Variants in PIEZO2 observed in about 807,000 individuals in gnomAD.
PIEZO2 encodes the protein piezo type mechanosensitive ion channel component 2, also known as piezo-type mechanosensitive ion channel component 2.
Under a neutral mutation model 337.3 loss-of-function variants are expected in PIEZO2, and 172 were observed. The ratio of observed to expected loss-of-function variants is 0.51; its 90% CI spans 0.45 to 0.58. The LOEUF (loss-of-function observed/expected upper bound fraction) is 0.58, where lower values mean the gene tolerates loss of function less well. PIEZO2 is among the 20% of genes least tolerant of loss of function. PIEZO2 has a pLI of 0.00. For missense variants in PIEZO2, 3,028 were observed against 3,391.3 expected, an observed-to-expected ratio of 0.89 and a Z score of 2.66; for synonymous variants, 1,251 against 1,228.5, an observed-to-expected ratio of 1.02 and a Z score of -0.38.
intron 2 of PIEZO2, among the ~76,000 whole-genome samples, chr18:11,026,114 C>T (rs567306574): frequency 7.0e-4 from 107 of 152,302 alleles, no homozygotes; most frequent in Non-Finnish European, 1.3e-3. Context: ...GCAGGCTGAA[C>T]GGCGCCTTTA....
rs113904966 is a variant in PIEZO2 at position 11,016,304 on chromosome 18, C to A, written c.161-36644G>T. ...TGTGGGCAGAATCACAGGAGAGACA[C>A]AGAATGTGGCGGTAGAGACGGTCAG... On this transcript the variant is annotated intron_variant, in intron 2 of 55. Coordinates refer to ENST00000674853, the MANE Select transcript of PIEZO2 (RefSeq NM_001378183.1). The surrounding 1 kb of genome is among the most constrained non-coding windows in gnomAD (Gnocchi z 5.6). 3.3e-5 allele frequency among the ~76,000 whole-genome samples: 5 copies of A among 152,124 alleles called. No homozygotes were observed. Among genetic ancestry groups the A allele is most frequent in the African/African-American group, 1.2e-4 (5 of 41,414 alleles).
intron 30 of PIEZO2, 129 bp from the exon 31 acceptor site, chr18:10,744,360 T>C (rs2037342450): frequency 4.7e-6 from 3 of 640,548 alleles, no homozygotes; most frequent in Non-Finnish European, 8.1e-6. Flanking sequence ...GTTTCCTGGC[T>C]GGGAGCAGGA....
chr18:10,987,650 G>A (rs1296434910), intron 2 of PIEZO2, among the ~76,000 whole-genome samples: 3 of 151,982 alleles, frequency 2.0e-5, no homozygotes, highest in South Asian at 4.1e-4. Flanking sequence ...ATGACTTTTT[G>A]GTTATAACAC....
chr18:10,952,140 T>C lies in PIEZO2; in HGVS notation c.286+27395A>G, dbSNP rs1342558421. Among the ~76,000 whole-genome samples, 1 of 152,184 alleles carries C rather than the reference T, an allele frequency of 6.6e-6. No homozygotes were observed. The highest frequency in any genetic ancestry group is 1.5e-5 in the Non-Finnish European group (1 of 68,016). ...CTGCTCTGATCTCTCTACTCTTCAGTAGAGCCCCCAAAACAAACAGTGAAA... is the reference window on the plus strand; with the variant it reads ...CTGCTCTGATCTCTCTACTCTTCAGCAGAGCCCCCAAAACAAACAGTGAAA... On this transcript the variant is annotated intron_variant, in intron 3 of 55. Coordinates refer to ENST00000674853, the MANE Select transcript of PIEZO2 (RefSeq NM_001378183.1). The surrounding 1 kb of genome is among the most constrained non-coding windows in gnomAD (Gnocchi z 4.1).
At chr18:10,687,897 C>A (rs576099470) in intron 49 of PIEZO2, among the ~76,000 whole-genome samples, 252 of 152,320 alleles carry the variant, frequency 1.7e-3, no homozygotes, top group African/African-American at 5.7e-3. Context: ...AGGACTGACT[C>A]CAGGCAAGAC....
intron 2 of PIEZO2, among the ~76,000 whole-genome samples, chr18:11,022,768 C>G (rs2036360435): frequency 6.6e-6 from 1 of 152,186 alleles, no homozygotes; most frequent in South Asian, 2.1e-4. Flanking sequence ...GAACTCTAGG[C>G]TATTTTGTCC....
chr18:10,718,635 T>C (rs979306340), intron 36 of PIEZO2, among the ~76,000 whole-genome samples: 2 of 152,236 alleles, frequency 1.3e-5, no homozygotes, highest in African/African-American at 4.8e-5. Context: ...CCCATTTGTC[T>C]GTATATTATC....
intron 52 of PIEZO2, 59 bp downstream of exon 52, chr18:10,680,140 C>G: frequency 6.9e-7 from 1 of 1,447,032 alleles, no homozygotes; most frequent in Non-Finnish European, 9.4e-7. Context: ...CCTCCCTCCC[C>G]CAACTCCATG....
chr18:11,010,071 G>A (rs1186568558), intron 2 of PIEZO2, among the ~76,000 whole-genome samples: 2 of 152,182 alleles, frequency 1.3e-5, no homozygotes, highest in Non-Finnish European at 2.9e-5. Context: ...AAGCAGAACT[G>A]TGAAGGAGCT....
At chr18:10,946,600 G>T (rs1040687960) in intron 3 of PIEZO2, among the ~76,000 whole-genome samples, 3 of 152,188 alleles carry the variant, frequency 2.0e-5, no homozygotes, top group Admixed American at 2.0e-4. Context: ...AGGAGGAGCT[G>T]AACTTCCACC....
Position 10,670,602 on chromosome 18 carries a change from A to G in PIEZO2, c.*925T>C, listed in dbSNP as rs671386. On this transcript the variant is annotated 3_prime_UTR_variant, in exon 56 of 56. Coordinates refer to ENST00000674853, the MANE Select transcript of PIEZO2 (RefSeq NM_001378183.1). ...CAGGAAGGAAAATGTCACATACTGG[A>G]AAAACCATTGCCTTAAATCATGGAA... is the stretch of plus-strand genomic sequence containing the variant. 102,177 of 152,102 alleles carry G rather than the reference A, an allele frequency of 0.67. 36,141 individuals carry two copies. Among genetic ancestry groups the G allele is most frequent in the Non-Finnish European group, 0.77 (52,341 of 67,990 alleles). 9.4% of individuals were successfully genotyped at this position (152,102 alleles called of 1,614,324 possible). A position where few individuals can be genotyped will look rare whatever the true frequency, so the allele number is the denominator to read the frequency against.
At chr18:10,800,016 T>G (rs1407234922) in intron 11 of PIEZO2, among the ~76,000 whole-genome samples, 1 of 151,482 alleles carries the variant, frequency 6.6e-6, no homozygotes, top group African/African-American at 2.4e-5. Context: ...GGAAAACCAC[T>G]GACCATAATT....
chr18:10,944,076 T>C (rs560401122), intron 3 of PIEZO2, among the ~76,000 whole-genome samples: 22 of 152,314 alleles, frequency 1.4e-4, no homozygotes, highest in African/African-American at 5.3e-4. Context: ...CAGGAATGTA[T>C]TTATCAGCAG....
intron 7 of PIEZO2, among the ~76,000 whole-genome samples, chr18:10,829,420 G>GT (rs1194054737): frequency 6.6e-6 from 1 of 152,118 alleles, no homozygotes; most frequent in African/African-American, 2.4e-5. Flanking sequence ...ATTCCCCACT[G>GT]TTATTCAAGA....
At chr18:10,950,899 C>G (rs2033261707) in intron 3 of PIEZO2, among the ~76,000 whole-genome samples, 1 of 152,196 alleles carries the variant, frequency 6.6e-6, no homozygotes, top group African/African-American at 2.4e-5. Flanking sequence ...TTTCTAAAAT[C>G]GCTCTGCAAT....
rs1179815621 is a variant in PIEZO2, at chr18:11,002,677, T to C, written c.161-23017A>G. 6.6e-6 allele frequency among the ~76,000 whole-genome samples: 1 copy of C among 152,194 alleles called. No homozygotes were observed. The highest frequency in any genetic ancestry group is 1.5e-5 in the Non-Finnish European group (1 of 68,030). On this transcript the variant is annotated intron_variant, in intron 2 of 55. Coordinates refer to ENST00000674853, the MANE Select transcript of PIEZO2 (RefSeq NM_001378183.1). This position sits in a 1 kb window ranked among gnomAD's most constrained non-coding sequence, Gnocchi z 4.3. ...ATGAGACAGTTGCTTTGTTGCAATG[T>C]TTTACTGGCGGCGGCGGGGAACACA...
At chr18:10,849,014 TC>T (rs1301547411) in intron 7 of PIEZO2, among the ~76,000 whole-genome samples, 12 of 152,024 alleles carry the variant, frequency 7.9e-5, no homozygotes, top group African/African-American at 2.7e-4. Context: ...ACCCAAGGAT[TC>T]CTTTTTTTTG....
chr18:10,976,325 G>A (rs1195723629), intron 3 of PIEZO2, among the ~76,000 whole-genome samples: 1 of 152,146 alleles, frequency 6.6e-6, no homozygotes, highest in Non-Finnish European at 1.5e-5. Flanking sequence ...AACACCTGAT[G>A]AGCCAATGCG....
intron 18 of PIEZO2, among the ~76,000 whole-genome samples, chr18:10,778,335 CTTT>C (rs764803228): frequency 4.7e-5 from 6 of 127,738 alleles, no homozygotes; most frequent in Non-Finnish European, 1.6e-5. Context: ...TCTGGCTGCT[CTTT>C]TTTTTTTTTT....
Sources: allele counts gnomAD v4.1 joint callset (sites outside exome capture counted in the v4.1 genomes callset), GRCh38; gene constraint gnomAD v4.1.1; non-coding constraint Gnocchi (gnomAD v3.1); transcripts MANE v1.5; gene names NCBI Gene and HGNC (gene_info 2026-07-23, HGNC 2026-07-21).